The following ERCC4 variants were observed in gnomAD, a reference collection of about 807,000 sequenced individuals.
ERCC4 encodes the protein ERCC excision repair 4, endonuclease catalytic subunit.
A neutral mutation model predicts 76.9 loss-of-function variants in ERCC4; 65 were observed. The ratio of observed to expected loss-of-function variants is 0.84; its 90% confidence interval spans 0.69 to 1.04. The LOEUF (loss-of-function observed/expected upper bound fraction) is 1.04. ERCC4 is among the 50% of genes least tolerant of loss of function. ERCC4 has a pLI of 0.00. For synonymous variants in ERCC4, 463 were observed against 410.1 expected (o/e 1.13, Z -1.56); for missense variants, 1,214 against 1,128.2 (o/e 1.08, Z -1.09).
chr16:13,924,751 C>CT (rs2032041997), intron 2 of ERCC4, among the ~76,000 whole-genome samples: 1 of 152,192 alleles, frequency 6.6e-6, no homozygotes, highest in African/African-American at 2.4e-5. Flanking sequence ...ATGTAAAATA[C>CT]TTGGTAGCAT....
Position 13,949,520 on chromosome 16 carries a change from A to G in ERCC4, c.*1173A>G. On this transcript the variant is annotated 3_prime_UTR_variant, in exon 11 of 11. Coordinates refer to ENST00000311895, the MANE Select transcript of ERCC4 (RefSeq NM_005236.3). ...TCTGTGAGGACTCAAATACAAGCCA[A>G]TGAGTGGCCCACTAAGCTTTTAAGA... 1 of 233,046 alleles carries G rather than the reference A, an allele frequency of 4.3e-6. No homozygotes were observed. Among genetic ancestry groups the G allele is most frequent in the Non-Finnish European group, 8.5e-6 (1 of 117,888 alleles). The allele number at this position is 233,046 out of a possible 1,614,324, so 14.4% of individuals were successfully genotyped here.
In ERCC4 at chr16:13,932,201, C is replaced by A. The variant is rs1370616679; in HGVS notation, c.1018C>A (p.Arg340=). 5 of 1,612,616 alleles carry A rather than the reference C, an allele frequency of 3.1e-6. No homozygotes were observed. Among genetic ancestry groups the A allele is most frequent in the Non-Finnish European group, 2.5e-6 (3 of 1,178,984 alleles). ...CAGCACCTCGATGTTTATAAATGCT[C>A]GAGCAAGGGTTTATCATCTTCCAGA... ...DSSTSMFINA[R]ARVYHLPDAK... is the part of the protein sequence containing the mutation. The change falls in exon 6 of 11, where the codon CGA becomes AGA. Residue 340 remains arginine, a synonymous_variant. Coordinates refer to ENST00000311895, the MANE Select transcript of ERCC4 (RefSeq NM_005236.3).
intron 5 of ERCC4, chr16:13,931,809 C>A: frequency 4.4e-6 from 1 of 225,024 alleles, no homozygotes; most frequent in Non-Finnish European, 8.7e-6. Context: ...TAAATAACAG[C>A]AAATTCCTAT....
rs757281318 is a variant in ERCC4, at chr16:13,935,510, G to A, written c.1578G>A (p.Pro526=). The change falls in exon 8 of 11, where the codon CCG becomes CCA. Residue 526 remains proline, a synonymous_variant. Coordinates refer to ENST00000311895, the MANE Select transcript of ERCC4 (RefSeq NM_005236.3). ...REISSSPESC[P]EEIKHEEFDV... The stretch of plus-strand genomic sequence containing the variant: ...TAAGCAGTAGCCCAGAAAGCTGCCC[G>A]GAAGAAATTAAGCATGAAGAATTTG... The A allele has an allele frequency of 3.1e-6, 5 of 1,614,124 alleles. No homozygotes were observed. In the Admixed American group the frequency reaches 5.0e-5, roughly 16 times the overall value.
intron 1 of ERCC4, among the ~76,000 whole-genome samples, chr16:13,920,638 C>T (rs574451220): frequency 1.3e-5 from 2 of 152,118 alleles, no homozygotes; most frequent in African/African-American, 4.8e-5. Context: ...TGGAGGGGCC[C>T]CGAGAAGGCT....
chr16:13,944,621 G>A (rs988197887), intron 9 of ERCC4, 102 bp from the exon 10 acceptor site: 2 of 782,438 alleles, frequency 2.6e-6, no homozygotes, highest in Admixed American at 1.9e-5. Context: ...TTCTCTTACT[G>A]CTATCATCAT....
At chr16:13,923,874 T>C (rs1246900431) in intron 2 of ERCC4, among the ~76,000 whole-genome samples, 1 of 152,214 alleles carries the variant, frequency 6.6e-6, no homozygotes, top group East Asian at 1.9e-4. Context: ...AAAAATTTTT[T>C]TGTTGTGTTT....
chr16:13,944,944 G>C (rs2032487975), intron 10 of ERCC4, 109 bp downstream of exon 10: 1 of 716,440 alleles, frequency 1.4e-6, no homozygotes, highest in East Asian at 2.7e-5. Flanking sequence ...TTAAAAATGG[G>C]GGTTGGGCCA....
chr16:13,922,008 T>G, intron 1 of ERCC4, 23 bp from the exon 2 acceptor site: 1 of 1,565,676 alleles, frequency 6.4e-7, no homozygotes, highest in Non-Finnish European at 8.8e-7. Context: ...AATAGCCTAC[T>G]AATCAAGTTT....
In ERCC4 at chr16:13,948,456, C is replaced by T; in HGVS notation, c.*109C>T. 2 of 1,317,554 alleles carry T rather than the reference C, an allele frequency of 1.5e-6. No individual in the cohort carries two copies. Among genetic ancestry groups the T allele is most frequent in the East Asian group, 2.3e-5 (1 of 43,520 alleles). 81.6% of individuals were successfully genotyped at this position (1,317,554 alleles called of 1,614,324 possible). ...TTTGCTATTTCATTCTTTTCCAATGCTCTTAATGATTGTACGGTGGACCAG... is the reference window on the plus strand; with the variant it reads ...TTTGCTATTTCATTCTTTTCCAATGTTCTTAATGATTGTACGGTGGACCAG... On this transcript the variant is annotated 3_prime_UTR_variant, in exon 11 of 11. Transcript: ENST00000311895.
chr16:13,941,771 A>G (rs1159858078), intron 9 of ERCC4, among the ~76,000 whole-genome samples: 1 of 152,226 alleles, frequency 6.6e-6, no homozygotes, highest in African/African-American at 2.4e-5. Flanking sequence ...TGCTTTTCAA[A>G]GGAAAGGGTA....
intron 4 of ERCC4, 48 bp downstream of exon 4, chr16:13,928,283 G>T (rs1424466079): frequency 6.2e-6 from 8 of 1,294,568 alleles, no homozygotes; most frequent in South Asian, 1.2e-5. Context: ...TAATTTTAAA[G>T]AATGCAAGTT....
At chr16:13,940,488 A>G (rs2032392296) in intron 9 of ERCC4, among the ~76,000 whole-genome samples, 1 of 152,206 alleles carries the variant, frequency 6.6e-6, no homozygotes, top group African/African-American at 2.4e-5. Flanking sequence ...GTCCTCTCCC[A>G]GTGGAGTCAC....
At position 13,948,174 on chromosome 16, in the gene ERCC4, G is replaced by A. The variant is rs2141621162; in HGVS notation, c.2578G>A (p.Ala860Thr). Residue 860 changes from alanine (A) to threonine (T), a missense_variant, in exon 11 of 11, where the codon GCC becomes ACC. Transcript: ENST00000311895. Reference sequence around the variant, plus strand: ...CTTGTTAAAAATGCCAGGGGTGAATGCCAAAAACTGCCGCTCCTTGATGCA... The same window carrying A: ...CTTGTTAAAAATGCCAGGGGTGAATACCAAAAACTGCCGCTCCTTGATGCA... ...DFLLKMPGVN[A>T]KNCRSLMHHV... The A allele has an allele frequency of 6.2e-7, 1 of 1,614,164 alleles. No homozygotes were observed. The highest frequency in any genetic ancestry group is 8.5e-7 in the Non-Finnish European group (1 of 1,180,034).
At chr16:13,930,056 T>C (rs1461937117) in intron 4 of ERCC4, among the ~76,000 whole-genome samples, 1 of 152,170 alleles carries the variant, frequency 6.6e-6, no homozygotes, top group African/African-American at 2.4e-5. Context: ...ACTAAAGAAA[T>C]TTTTACACCA....
chr16:13,932,333 T>G, intron 6 of ERCC4, 48 bp downstream of exon 6: 1 of 1,567,008 alleles, frequency 6.4e-7, no homozygotes, highest in Non-Finnish European at 8.7e-7. Flanking sequence ...TTTCGGTATT[T>G]GGTATGGAAA....
At chr16:13,942,818 G>T (rs1243674681) in intron 9 of ERCC4, among the ~76,000 whole-genome samples, 1 of 152,202 alleles carries the variant, frequency 6.6e-6, no homozygotes, top group East Asian at 1.9e-4. Flanking sequence ...GTAACAAGTA[G>T]AAACAAAGTG....
At chr16:13,922,007 C>T (rs1404768913) in intron 1 of ERCC4, 24 bp from the exon 2 acceptor site, 2 of 1,565,296 alleles carry the variant, frequency 1.3e-6, no homozygotes, top group Non-Finnish European at 1.8e-6. Context: ...AAATAGCCTA[C>T]TAATCAAGTT....
At chr16:13,933,837 T>C (rs2032230661) in intron 6 of ERCC4, 1 of 178,296 alleles carries the variant, frequency 5.6e-6, no homozygotes, top group Non-Finnish European at 1.2e-5. Flanking sequence ...ATGAAAGTCA[T>C]GGGGATTTTA....
Sources: allele counts gnomAD v4.1 joint callset (sites outside exome capture counted in the v4.1 genomes callset), GRCh38; gene constraint gnomAD v4.1.1; transcripts MANE v1.5; gene names NCBI Gene and HGNC (gene_info 2026-07-23, HGNC 2026-07-21).